The following MORC1 variants were observed in gnomAD, a reference collection of about 807,000 sequenced individuals.
MORC1 encodes MORC family CW-type zinc finger protein 1.
A neutral mutation model predicts 134.9 loss-of-function variants in MORC1; 59 were observed. That is an observed-to-expected ratio of 0.44 (90% confidence interval 0.35 to 0.54). MORC1 has a LOEUF of 0.54. Ranked by LOEUF, MORC1 falls within the 20% of genes least tolerant of loss-of-function variation. The probability of loss-of-function intolerance (pLI) is 0.00; values close to 1 mark genes in which losing one functional copy is unlikely to be tolerated. For missense variants in MORC1, 947 were observed against 1,134.5 expected, an observed-to-expected ratio of 0.83 and a Z score of 2.37; for synonymous variants, 395 against 391.7, an observed-to-expected ratio of 1.01 and a Z score of -0.10.
chr3:109,114,114 C>A (rs147545207), intron 2 of MORC1, among the ~76,000 whole-genome samples: 36 of 152,190 alleles, frequency 2.4e-4, no homozygotes, highest in African/African-American at 8.7e-4. Flanking sequence ...ACATATAATT[C>A]AAAAAATATC....
rs1278464945 is a variant in MORC1 at position 108,963,562 on chromosome 3, T to C, written c.2651A>G (p.Lys884Arg). ...TGAATCATAGATAATGGACTGCAAT[T>C]TCCTCTTTATTTTTTTTTCATATTG... ...MVQYEKKIKR[K>R]LQSIIYDSNT... Residue 884 changes from lysine to arginine, a missense_variant, in exon 27 of 28, where the codon AAA becomes AGA. Lys to Arg is a conservative substitution (Grantham distance 26). Transcript: ENST00000232603. The C allele has an allele frequency of 1.9e-6, 3 of 1,592,816 alleles. No individual in the cohort carries two copies. Among genetic ancestry groups the C allele is most frequent in the Non-Finnish European group, 2.6e-6 (3 of 1,171,080 alleles).
intron 24 of MORC1, among the ~76,000 whole-genome samples, chr3:108,977,225 TC>T (rs1947588215): frequency 1.3e-5 from 2 of 152,306 alleles, no homozygotes; most frequent in African/African-American, 4.8e-5. Context: ...TGTTAGTTCC[TC>T]CAAGTTTCAG....
intron 21 of MORC1, among the ~76,000 whole-genome samples, chr3:108,999,090 AG>A (rs1484650670): frequency 6.6e-5 from 10 of 152,210 alleles, no homozygotes; most frequent in African/African-American, 9.6e-5. Context: ...AGGTCAAGAG[AG>A]GCGGCATTAT....
At chr3:108,988,890 T>C (rs1410140721) in intron 21 of MORC1, among the ~76,000 whole-genome samples, 1 of 152,202 alleles carries the variant, frequency 6.6e-6, no homozygotes, top group African/African-American at 2.4e-5. Context: ...GGGCTGTTTT[T>C]CCTAGGATCA....
chr3:109,094,949 T>C lies in MORC1; in HGVS notation c.543A>G (p.Ala181=), dbSNP rs541219494. The change falls in exon 7 of 28, where the codon GCA becomes GCG. Residue 181 remains alanine (A), a synonymous_variant. Transcript: ENST00000232603. ...IYKYSPFKTE[A]ELMQQFDVIY... The stretch of plus-strand genomic sequence containing the variant: ...TCACATCAAACTGCTGCATCAATTC[T>C]GCTTCAGTTTTAAATGGGGAGTATT... 8.2e-6 allele frequency: 13 copies of C among 1,588,064 alleles called. No individual in the cohort carries two copies. Among genetic ancestry groups the C allele is most frequent in the Non-Finnish European group, 9.4e-6 (11 of 1,173,046 alleles).
chr3:109,070,209 C>T (rs950301735), intron 8 of MORC1, among the ~76,000 whole-genome samples: 1 of 152,022 alleles, frequency 6.6e-6, no homozygotes. Context: ...GTTTCATTTG[C>T]TTTCAAAATT....
chr3:108,962,033 T>C (rs1947093436), intron 27 of MORC1, among the ~76,000 whole-genome samples: 1 of 152,110 alleles, frequency 6.6e-6, no homozygotes, highest in East Asian at 1.9e-4. Context: ...ATGAAAACAT[T>C]TGGCATTCTT....
intron 14 of MORC1, among the ~76,000 whole-genome samples, chr3:109,050,945 T>C (rs1410084882): frequency 6.6e-6 from 1 of 152,204 alleles, no homozygotes; most frequent in Non-Finnish European, 1.5e-5. Flanking sequence ...TGATCCATTT[T>C]GGAAAAGTTT....
chr3:109,062,889 C>G (rs1211755909), intron 10 of MORC1, among the ~76,000 whole-genome samples: 1 of 152,112 alleles, frequency 6.6e-6, no homozygotes, highest in African/African-American at 2.4e-5. Flanking sequence ...CATGCCCAGA[C>G]AGACAAACAA....
At chr3:109,106,937 G>T (rs546887669) in intron 3 of MORC1, among the ~76,000 whole-genome samples, 1 of 152,150 alleles carries the variant, frequency 6.6e-6, no homozygotes, top group East Asian at 1.9e-4. Flanking sequence ...AACAAATCTT[G>T]TTTGCCCTCC....
Position 109,062,075 on chromosome 3 carries a change from A to C in MORC1, c.896-17T>G. 1 of 1,612,402 alleles carries C rather than the reference A, an allele frequency of 6.2e-7. No individual in the cohort carries two copies. Among genetic ancestry groups the C allele is most frequent in the South Asian group, 1.1e-5 (1 of 91,054 alleles). On this transcript the variant is annotated splice_polypyrimidine_tract_variant and intron_variant, in intron 10 of 27. Transcript: ENST00000232603. ...TGGATTCAGCTGGAAGTAGAAGCCA[A>C]ATAGTTATAACACAGCAAAATTATT... is the stretch of plus-strand genomic sequence containing the variant.
At chr3:109,088,372 CAAGAGA>C (rs1375068214) in intron 8 of MORC1, among the ~76,000 whole-genome samples, 1 of 151,826 alleles carries the variant, frequency 6.6e-6, no homozygotes, top group Non-Finnish European at 1.5e-5. Context: ...CCTAAACTTA[CAAGAGA>C]AAAAGAAACA....
intron 20 of MORC1, among the ~76,000 whole-genome samples, chr3:109,003,283 A>G (rs577806710): frequency 1.3e-5 from 2 of 151,946 alleles, no homozygotes; most frequent in Non-Finnish European, 2.9e-5. Context: ...ATATACACAC[A>G]CAGACACATC....
chr3:109,085,368 A>C (rs1340781236), intron 8 of MORC1, among the ~76,000 whole-genome samples: 1 of 152,170 alleles, frequency 6.6e-6, no homozygotes. Flanking sequence ...CACCTGACAG[A>C]AGATTAATAT....
intron 21 of MORC1, among the ~76,000 whole-genome samples, chr3:108,999,092 G>A (rs1035326458): frequency 6.6e-6 from 1 of 152,162 alleles, no homozygotes; most frequent in African/African-American, 2.4e-5. Context: ...GTCAAGAGAG[G>A]CGGCATTATT....
chr3:108,975,583 G>C (rs2052388562), intron 24 of MORC1, among the ~76,000 whole-genome samples: 1 of 152,066 alleles, frequency 6.6e-6, no homozygotes, highest in Non-Finnish European at 1.5e-5. Context: ...TGTCACTTAA[G>C]TGTTATATAA....
Position 109,000,347 on chromosome 3 carries a change from T to A in MORC1, c.2187+210A>T, listed in dbSNP as rs1042299541. Among the ~76,000 whole-genome samples the A allele has an allele frequency of 2.0e-5, 3 of 152,294 alleles. No individual in the cohort carries two copies. The East Asian group carries it at 5.8e-4, about 29-fold the overall frequency. On this transcript the variant is annotated intron_variant, in intron 21 of 27. Coordinates refer to ENST00000232603, the MANE Select transcript of MORC1 (RefSeq NM_014429.4). ...ACTAAAACAGAAAGGTGCCGTGGACTAGGGGTGGAGATGTGTAAGTTCCAG... is the reference window on the plus strand; with the variant it reads ...ACTAAAACAGAAAGGTGCCGTGGACAAGGGGTGGAGATGTGTAAGTTCCAG...
At chr3:109,108,196 AAGG>A (rs1361664932) in intron 3 of MORC1, among the ~76,000 whole-genome samples, 1 of 152,178 alleles carries the variant, frequency 6.6e-6, no homozygotes, top group African/African-American at 2.4e-5. Context: ...CTCGAAAAAA[AAGG>A]AGAAGTGCCA....
At chr3:109,016,290 T>C (rs1948814355) in intron 17 of MORC1, among the ~76,000 whole-genome samples, 1 of 152,164 alleles carries the variant, frequency 6.6e-6, no homozygotes, top group South Asian at 2.1e-4. Flanking sequence ...TGGACAATCT[T>C]TTCACTTGTC....
Sources: gnomAD v4.1 joint callset for allele counts (sites outside exome capture counted in the v4.1 genomes callset) on GRCh38, gnomAD v4.1.1 for gene constraint, MANE v1.5 for transcripts, NCBI Gene and HGNC (gene_info 2026-07-23, HGNC 2026-07-21) for gene names.